Variants in MOB3B observed in about 807,000 individuals in gnomAD.
MOB3B encodes the protein MOB kinase activator 3B.
In MOB3B, 7 loss-of-function variants were observed where a neutral mutation model predicts 18.7. That is an observed-to-expected ratio of 0.37 (90% CI 0.21 to 0.70). The LOEUF is 0.70. Among genes scored for constraint, MOB3B ranks in the 30% least tolerant of loss-of-function variants. The pLI, the probability that MOB3B is intolerant of heterozygous loss-of-function variation, is 0.52. For synonymous variants in MOB3B, 111 were observed against 99.9 expected (o/e 1.11, Z -0.66); for missense variants, 253 against 281.3 (o/e 0.90, Z 0.72).
chr9:27,431,246 TAAAC>T (rs1044709776), intron 2 of MOB3B, among the ~76,000 whole-genome samples: 1 of 152,214 alleles, frequency 6.6e-6, no homozygotes, highest in Non-Finnish European at 1.5e-5. Context: ...AAACAAAAGT[TAAAC>T]AAACATATTC....
chr9:27,337,032 G>A (rs1470171335), intron 3 of MOB3B, among the ~76,000 whole-genome samples: 2 of 152,290 alleles, frequency 1.3e-5, no homozygotes, highest in East Asian at 1.9e-4. Context: ...TACCGGCCCC[G>A]TGCCCGAGCT....
chr9:27,501,725 C>A (rs1483258410), intron 1 of MOB3B, among the ~76,000 whole-genome samples: 3 of 150,636 alleles, frequency 2.0e-5, no homozygotes, highest in Non-Finnish European at 4.4e-5. Context: ...CAAGATCGCC[C>A]CACTGCACCG....
At chr9:27,493,514 G>GC (rs959848935) in intron 1 of MOB3B, among the ~76,000 whole-genome samples, 12 of 152,074 alleles carry the variant, frequency 7.9e-5, no homozygotes, top group Non-Finnish European at 1.5e-5. Flanking sequence ...CGTAGTGGGT[G>GC]CCTGTAGTCC....
At chr9:27,488,420 A>T (rs1819762683) in intron 1 of MOB3B, among the ~76,000 whole-genome samples, 1 of 152,030 alleles carries the variant, frequency 6.6e-6, no homozygotes, top group Non-Finnish European at 1.5e-5. Flanking sequence ...TTATTTATTT[A>T]TTTTTGAGAT....
At chr9:27,357,347 A>G (rs1821207977) in intron 3 of MOB3B, among the ~76,000 whole-genome samples, 1 of 151,124 alleles carries the variant, frequency 6.6e-6, no homozygotes, top group African/African-American at 2.4e-5. Context: ...CCCCTCCCAG[A>G]GCTAGCCAAT....
At chr9:27,485,904 A>G (rs1819723076) in intron 1 of MOB3B, among the ~76,000 whole-genome samples, 1 of 152,260 alleles carries the variant, frequency 6.6e-6, no homozygotes, top group South Asian at 2.1e-4. Flanking sequence ...GAGCTGAACT[A>G]TTCAAGACTT....
chr9:27,408,761 C>T (rs1038484747), intron 2 of MOB3B, among the ~76,000 whole-genome samples: 5 of 152,160 alleles, frequency 3.3e-5, no homozygotes, highest in Non-Finnish European at 5.9e-5. Flanking sequence ...CCAGGGAATA[C>T]ACTTGCTCTG....
At chr9:27,524,339 G>T in intron 1 of MOB3B, 3 of 1,602,162 alleles carry the variant, frequency 1.9e-6, no homozygotes, top group South Asian at 2.2e-5. Context: ...CAAAAAAAAT[G>T]AGCACCAAAC....
intron 2 of MOB3B, among the ~76,000 whole-genome samples, chr9:27,429,465 C>G (rs539641338): frequency 6.6e-6 from 1 of 152,308 alleles, no homozygotes; most frequent in Non-Finnish European, 1.5e-5. Context: ...TAAAAATATT[C>G]TAATCACACT....
chr9:27,357,776 G>T (rs776997573), intron 3 of MOB3B, among the ~76,000 whole-genome samples: 3 of 151,154 alleles, frequency 2.0e-5, no homozygotes, highest in Non-Finnish European at 4.4e-5. Context: ...ACCTGGCCAG[G>T]CATGGTGGCT....
At chr9:27,348,918 C>A (rs1022227300) in intron 3 of MOB3B, among the ~76,000 whole-genome samples, 2 of 152,136 alleles carry the variant, frequency 1.3e-5, no homozygotes, top group African/African-American at 4.8e-5. Flanking sequence ...CCTAGACTTG[C>A]AGGATGAGCA....
intron 3 of MOB3B, among the ~76,000 whole-genome samples, chr9:27,355,974 A>G (rs972173796): frequency 6.6e-6 from 1 of 152,216 alleles, no homozygotes; most frequent in African/African-American, 2.4e-5. Flanking sequence ...GCATCCTAGC[A>G]CTGTCAACTG....
chr9:27,395,625 C>T (rs559784463), intron 2 of MOB3B, among the ~76,000 whole-genome samples: 51 of 152,282 alleles, frequency 3.3e-4, no homozygotes, highest in Middle Eastern at 6.8e-3. Context: ...AATACTGCAA[C>T]GCTCAGTGAT....
chr9:27,364,022 C>T (rs570755801), intron 2 of MOB3B, among the ~76,000 whole-genome samples: 11 of 152,324 alleles, frequency 7.2e-5, no homozygotes, highest in East Asian at 3.9e-4. Context: ...TGGGATTACA[C>T]GTGTGAGCTA....
At chr9:27,418,091 C>CA (rs57850999) in intron 2 of MOB3B, among the ~76,000 whole-genome samples, 6,163 of 44,012 alleles carry the variant, frequency 0.14, 730 homozygotes, top group Admixed American at 0.26. Context: ...GACTCCACCT[C>CA]AAAAAAAAAA....
At chr9:27,454,957 T>A (rs950812214) in intron 2 of MOB3B, among the ~76,000 whole-genome samples, 176 bp downstream of exon 2, 36 of 152,094 alleles carry the variant, frequency 2.4e-4, no homozygotes, top group African/African-American at 8.7e-4. Context: ...TAAATGTAAG[T>A]GGTCCATAAA....
At chr9:27,440,093 G>T (rs1822570398) in intron 2 of MOB3B, among the ~76,000 whole-genome samples, 1 of 152,170 alleles carries the variant, frequency 6.6e-6, no homozygotes, top group Non-Finnish European at 1.5e-5. Flanking sequence ...AGCAAGGCAG[G>T]TGTAAGATTG....
chr9:27,366,996 T>C (rs1330679478), intron 2 of MOB3B, among the ~76,000 whole-genome samples: 3 of 152,216 alleles, frequency 2.0e-5, no homozygotes, highest in Non-Finnish European at 4.4e-5. Flanking sequence ...TGGGAGTCTC[T>C]GCTTCAGGTC....
rs559372814 is a variant in MOB3B at position 27,338,850 on chromosome 9, C to A, written c.622-8234G>T. Among the ~76,000 whole-genome samples the A allele has an allele frequency of 2.2e-4, 33 of 152,334 alleles. No individual in the cohort carries two copies. The South Asian group carries it at 2.7e-3, about 12-fold the overall frequency. ...CCTTTTCCCAAATGCCTTGGCAACT[C>A]CAGGGGAAGGACCCCTCCCACCCCG... is the stretch of plus-strand genomic sequence containing the variant. On this transcript the variant is annotated intron_variant, in intron 3 of 3. Transcript: ENST00000262244.
Sources: gnomAD v4.1 joint callset for allele counts (sites outside exome capture counted in the v4.1 genomes callset) on GRCh38, gnomAD v4.1.1 for gene constraint, MANE v1.5 for transcripts, NCBI Gene and HGNC (gene_info 2026-07-23, HGNC 2026-07-21) for gene names.